The following STXBP3 variants were observed in gnomAD, a reference collection of about 807,000 sequenced individuals.
STXBP3 encodes the protein syntaxin binding protein 3, also known as syntaxin-binding protein 3.
Under a neutral mutation model 85.7 loss-of-function variants are expected in STXBP3, and 41 were observed. The observed-to-expected ratio is 0.48, with a 90% CI of 0.37 to 0.62. The LOEUF (loss-of-function observed/expected upper bound fraction) is 0.62, where lower values mean the gene tolerates loss of function less well. Ranked by LOEUF, STXBP3 falls within the 20% of genes least tolerant of loss-of-function variation. The probability of loss-of-function intolerance (pLI) is 0.00; values close to 1 mark genes in which losing one functional copy is unlikely to be tolerated. For synonymous variants in STXBP3, 229 were observed against 231.7 expected (o/e 0.99, Z 0.10); for missense variants, 563 against 703.1 (o/e 0.80, Z 2.25).
intron 11 of STXBP3, among the ~76,000 whole-genome samples, chr1:108,792,990 A>C (rs1663009315): frequency 6.6e-6 from 1 of 152,084 alleles, no homozygotes; most frequent in African/African-American, 2.4e-5. Flanking sequence ...TTAGCCACCC[A>C]GAAGTTGTTC....
At chr1:108,764,110 C>G (rs959316573) in intron 6 of STXBP3, among the ~76,000 whole-genome samples, 2 of 152,102 alleles carry the variant, frequency 1.3e-5, no homozygotes, top group East Asian at 1.9e-4. Flanking sequence ...CATTTAGCTC[C>G]TACTTGTAAG....
At chr1:108,778,874 C>G (rs1472370548) in intron 8 of STXBP3, among the ~76,000 whole-genome samples, 1 of 152,118 alleles carries the variant, frequency 6.6e-6, no homozygotes, top group Non-Finnish European at 1.5e-5. Flanking sequence ...CTGCATCAGC[C>G]CAACAGAACC....
At chr1:108,807,577 T>G (rs755975915) in intron 18 of STXBP3, 28 bp downstream of exon 18, 43 of 377,160 alleles carry the variant, frequency 1.1e-4, no homozygotes, top group East Asian at 6.3e-4. Flanking sequence ...TTCTTTTCTG[T>G]TTTTTTTTTT....
chr1:108,798,263 C>T, intron 16 of STXBP3, 26 bp downstream of exon 16: 6 of 1,499,756 alleles, frequency 4.0e-6, no homozygotes, highest in Non-Finnish European at 5.5e-6. Context: ...ATGTTTTTTT[C>T]TACCTGAGTG....
At chr1:108,773,593 C>T (rs1662519824) in intron 7 of STXBP3, among the ~76,000 whole-genome samples, 1 of 152,186 alleles carries the variant, frequency 6.6e-6, no homozygotes, top group Non-Finnish European at 1.5e-5. Context: ...ATGGCCAGAG[C>T]TCATCCCAGC....
At chr1:108,780,341 G>C (rs968777177) in intron 9 of STXBP3, 2 of 151,860 alleles carry the variant, frequency 1.3e-5, no homozygotes, top group African/African-American at 2.4e-5. Context: ...TAATATAAAA[G>C]TTATTTTAAG....
At chr1:108,787,433 T>TC (rs1662857140) in intron 11 of STXBP3, among the ~76,000 whole-genome samples, 1 of 152,084 alleles carries the variant, frequency 6.6e-6, no homozygotes. Flanking sequence ...TTTCCACTTA[T>TC]CACTAGAGAC....
rs149390256 is a variant in STXBP3 at position 108,793,485 on chromosome 1, C to T, written c.964-97C>T. 4.9e-4 allele frequency: 522 copies of T among 1,069,506 alleles called. 5 individuals carry two copies. In the African/African-American group the frequency reaches 7.6e-3, roughly 16 times the overall value. The allele number at this position is 1,069,506 out of a possible 1,614,324, so 66.3% of individuals were successfully genotyped here. On this transcript the variant is annotated intron_variant, in intron 11 of 18. Coordinates refer to ENST00000370008, the MANE Select transcript of STXBP3 (RefSeq NM_007269.4). ...AATTGTCAAATATTCAGTAAATTAA[C>T]TAGATTTGATAATTTGTAAAACTCT... is the stretch of plus-strand genomic sequence containing the variant.
At chr1:108,792,893 G>A (rs987296453) in intron 11 of STXBP3, among the ~76,000 whole-genome samples, 7 of 152,170 alleles carry the variant, frequency 4.6e-5, no homozygotes, top group Non-Finnish European at 1.0e-4. Context: ...TGTGTAGGAT[G>A]TTCACTTAGG....
chr1:108,774,228 C>T (rs563350470), intron 7 of STXBP3, among the ~76,000 whole-genome samples: 117 of 152,260 alleles, frequency 7.7e-4, no homozygotes, highest in African/African-American at 2.7e-3. Context: ...GTGTGACCCT[C>T]TCGCCTCAGT....
chr1:108,807,868 C>A (rs907439637), intron 18 of STXBP3, among the ~76,000 whole-genome samples: 2 of 152,128 alleles, frequency 1.3e-5, no homozygotes, highest in Non-Finnish European at 2.9e-5. Flanking sequence ...TGAGCCACCG[C>A]ACCCAGCCTT....
rs1219129135 is a variant in STXBP3, at chr1:108,772,362, CAT to C, written c.439-297_439-296del. On this transcript the variant is annotated intron_variant, in intron 6 of 18. Transcript: ENST00000370008. The stretch of plus-strand genomic sequence containing the variant: ...ATATAAATACATATGATATCTGTAT[CAT>C]ATATAAATACATATGATATCTGTAT... 5.8e-5 allele frequency among the ~76,000 whole-genome samples: 2 copies of C among 34,560 alleles called. 1 individual carries two copies. The highest frequency in any genetic ancestry group is 5.6e-4 in the East Asian group (2 of 3,576). The allele number at this position is 34,560 out of a possible 152,430, so 22.7% of individuals were successfully genotyped here. A position where few individuals can be genotyped will look rare whatever the true frequency, so the allele number is the denominator to read the frequency against.
At chr1:108,766,511 A>G (rs1002741719) in intron 6 of STXBP3, among the ~76,000 whole-genome samples, 2 of 152,188 alleles carry the variant, frequency 1.3e-5, no homozygotes, top group Non-Finnish European at 2.9e-5. Context: ...CCTGCTTGGT[A>G]TGGAATCAAG....
Position 108,756,820 on chromosome 1 carries a change from T to C in STXBP3, c.258+54T>C, listed in dbSNP as rs1472197143. 8.0e-6 allele frequency: 11 copies of C among 1,367,402 alleles called. No homozygotes were observed. The Admixed American group carries it at 1.0e-4, about 13-fold the overall frequency. 84.7% of individuals were successfully genotyped at this position (1,367,402 alleles called of 1,614,324 possible). Reference sequence around the variant, plus strand: ...GTTCATCAATATTTCACCATTGTTATGGTTTACTAACAGAAAATTCAAAGT... The same window carrying C: ...GTTCATCAATATTTCACCATTGTTACGGTTTACTAACAGAAAATTCAAAGT... On this transcript the variant is annotated intron_variant, in intron 4 of 18. Transcript: ENST00000370008.
At chr1:108,789,808 G>A (rs146026437) in intron 11 of STXBP3, among the ~76,000 whole-genome samples, 137 of 152,216 alleles carry the variant, frequency 9.0e-4, no homozygotes, top group African/African-American at 3.2e-3. Flanking sequence ...GCTCGTGCCT[G>A]TAATCCCAGC....
At chr1:108,785,940 C>T (rs527921419) in intron 11 of STXBP3, among the ~76,000 whole-genome samples, 1 of 152,156 alleles carries the variant, frequency 6.6e-6, no homozygotes, top group East Asian at 1.9e-4. Flanking sequence ...CAAAATCACT[C>T]AAGTTTCTAG....
intron 11 of STXBP3, among the ~76,000 whole-genome samples, chr1:108,785,612 T>G (rs946454246): frequency 9.9e-5 from 15 of 152,200 alleles, no homozygotes; most frequent in African/African-American, 3.6e-4. Context: ...CTTATGCAGA[T>G]TTCAGCAGCC....
At chr1:108,782,570 A>G (rs1662738644) in intron 10 of STXBP3, 53 bp downstream of exon 10, 1 of 1,599,670 alleles carries the variant, frequency 6.3e-7, no homozygotes. Flanking sequence ...ACTATGTGAT[A>G]GTACATTTTG....
At chr1:108,797,587 T>C (rs1401156188) in intron 15 of STXBP3, among the ~76,000 whole-genome samples, 1 of 151,896 alleles carries the variant, frequency 6.6e-6, no homozygotes, top group African/African-American at 2.4e-5. Context: ...TTTGTATTTT[T>C]AGTAGAGACA....
Sources: allele counts gnomAD v4.1 joint callset (sites outside exome capture counted in the v4.1 genomes callset), GRCh38; gene constraint gnomAD v4.1.1; transcripts MANE v1.5; gene names NCBI Gene and HGNC (gene_info 2026-07-23, HGNC 2026-07-21).